INSYN2B: variants seen among roughly 807,000 people sequenced by gnomAD.
INSYN2B encodes the protein inhibitory synaptic factor family member 2B.
Under a neutral mutation model 41.2 loss-of-function variants are expected in INSYN2B, and 16 were observed. The observed-to-expected ratio is 0.39, with a 90% CI of 0.26 to 0.59. The LOEUF is 0.59. INSYN2B is among the 20% of genes least tolerant of loss of function. INSYN2B has a pLI of 0.57. For synonymous variants in INSYN2B, 245 were observed against 244.4 expected, an observed-to-expected ratio of 1.00 and a Z score of -0.02; for missense variants, 608 against 646.4, an observed-to-expected ratio of 0.94 and a Z score of 0.64.
chr5:169,891,966 A>G (rs1773313893), intron 1 of INSYN2B, among the ~76,000 whole-genome samples: 1 of 150,466 alleles, frequency 6.6e-6, no homozygotes, highest in African/African-American at 2.4e-5. Flanking sequence ...ATTGCACTCC[A>G]GCCTGGGCAA....
At chr5:169,889,676 G>A (rs1773174072) in intron 1 of INSYN2B, among the ~76,000 whole-genome samples, 2 of 152,178 alleles carry the variant, frequency 1.3e-5, no homozygotes, top group Non-Finnish European at 2.9e-5. Context: ...ATCTTTGCTG[G>A]CCACACAGTT....
chr5:169,952,601 C>G (rs1387833673), intron 1 of INSYN2B, among the ~76,000 whole-genome samples: 1 of 152,114 alleles, frequency 6.6e-6, no homozygotes, highest in Admixed American at 6.5e-5. Flanking sequence ...GTCAATACAA[C>G]TGACATGTTA....
Position 169,882,793 on chromosome 5 carries a change from T to A in INSYN2B, c.1106A>T (p.Glu369Val). The A allele has an allele frequency of 6.4e-7, 1 of 1,551,674 alleles. No homozygotes were observed. Among genetic ancestry groups the A allele is most frequent in the South Asian group, 1.2e-5 (1 of 84,034 alleles). Reference sequence around the variant, plus strand: ...ATTACTTCCTGGACAATTTGGAAACTCCAGTGTGTCTGACTCGGTGGGGTT... The same window carrying A: ...ATTACTTCCTGGACAATTTGGAAACACCAGTGTGTCTGACTCGGTGGGGTT... ...ANNPTESDTLEFPNCPGSNHL... is the reference protein window; with the variant it reads ...ANNPTESDTLVFPNCPGSNHL... Residue 369 changes from glutamate to valine, a missense_variant, in exon 2 of 4, where the codon GAG becomes GTG. By Grantham distance (121) the Glu-to-Val change is moderately radical. Coordinates refer to ENST00000377365, the MANE Select transcript of INSYN2B (RefSeq NM_001129891.3).
At chr5:169,873,965 A>C (rs1772146180) in intron 3 of INSYN2B, among the ~76,000 whole-genome samples, 1 of 152,152 alleles carries the variant, frequency 6.6e-6, no homozygotes, top group Non-Finnish European at 1.5e-5. Context: ...TCATACTCTG[A>C]ATATGAAAAC....
chr5:169,948,793 A>G (rs1333557466), intron 1 of INSYN2B, among the ~76,000 whole-genome samples: 1 of 150,944 alleles, frequency 6.6e-6, no homozygotes, highest in Non-Finnish European at 1.5e-5. Flanking sequence ...CTACTTTCTG[A>G]CACCCACTCA....
intron 1 of INSYN2B, among the ~76,000 whole-genome samples, chr5:169,896,586 C>T (rs1040927377): frequency 1.1e-4 from 16 of 152,158 alleles, no homozygotes; most frequent in Admixed American, 7.9e-4. Flanking sequence ...CAGAAAAGCG[C>T]CTGTCAGGCT....
intron 1 of INSYN2B, among the ~76,000 whole-genome samples, chr5:169,949,644 T>G (rs539216855): frequency 9.1e-6 from 1 of 109,446 alleles, no homozygotes; most frequent in South Asian, 2.4e-4. Context: ...TTGATTTCTT[T>G]GGGCTGTGGC....
intron 1 of INSYN2B, among the ~76,000 whole-genome samples, chr5:169,930,000 G>A (rs1312359637): frequency 1.3e-5 from 2 of 152,004 alleles, no homozygotes; most frequent in African/African-American, 2.4e-5. Flanking sequence ...TATTTATTTT[G>A]TTTATTTTTG....
At chr5:169,945,603 T>G (rs1776416043) in intron 1 of INSYN2B, among the ~76,000 whole-genome samples, 1 of 152,224 alleles carries the variant, frequency 6.6e-6, no homozygotes, top group South Asian at 2.1e-4. Context: ...GTGAAGTCTG[T>G]TGCCCAGAGC....
intron 1 of INSYN2B, chr5:169,934,655 G>T (rs1252246926): frequency 4.4e-6 from 2 of 456,254 alleles, no homozygotes; most frequent in Admixed American, 4.7e-5. Flanking sequence ...TTTCTAGGAT[G>T]CAGCTGATGA....
intron 1 of INSYN2B, among the ~76,000 whole-genome samples, chr5:169,891,044 C>T (rs1048168523): frequency 1.3e-5 from 2 of 152,220 alleles, no homozygotes; most frequent in Non-Finnish European, 2.9e-5. Flanking sequence ...CAAGCCACAA[C>T]CCTATGTCAT....
chr5:169,868,922 T>A (rs905144789), intron 3 of INSYN2B, among the ~76,000 whole-genome samples: 1 of 152,118 alleles, frequency 6.6e-6, no homozygotes, highest in Non-Finnish European at 1.5e-5. Flanking sequence ...CAGAGCTGAA[T>A]GCTCTTGGGT....
intron 1 of INSYN2B, among the ~76,000 whole-genome samples, chr5:169,927,700 T>C (rs1462037908): frequency 6.6e-6 from 1 of 152,234 alleles, no homozygotes; most frequent in Non-Finnish European, 1.5e-5. Context: ...CACTGCAAGC[T>C]CCGCTTCCCG....
Position 169,884,661 on chromosome 5 carries a change from T to C in INSYN2B, c.-763A>G, listed in dbSNP as rs1423949017. The C allele has an allele frequency of 6.6e-6, 1 of 152,364 alleles. No individual in the cohort carries two copies. The highest frequency in any genetic ancestry group is 1.5e-5 in the Non-Finnish European group (1 of 68,064). 9.4% of individuals were successfully genotyped at this position (152,364 alleles called of 1,614,324 possible). On this transcript the variant is annotated 5_prime_UTR_variant, in exon 2 of 4. Coordinates refer to ENST00000377365, the MANE Select transcript of INSYN2B (RefSeq NM_001129891.3). ...GATTGAGGAATCACAGGGGATTCAG[T>C]GGGCAGAGTCCCTGTTGTGGTGTGT...
chr5:169,929,100 C>A (rs945981933), intron 1 of INSYN2B, among the ~76,000 whole-genome samples: 3 of 152,146 alleles, frequency 2.0e-5, no homozygotes, highest in African/African-American at 7.2e-5. Context: ...TTCTGTCATG[C>A]CCTGCCTTGA....
intron 1 of INSYN2B, among the ~76,000 whole-genome samples, chr5:169,919,450 G>A (rs183993327): frequency 5.3e-5 from 8 of 152,282 alleles, no homozygotes; most frequent in African/African-American, 1.7e-4. Flanking sequence ...AAAAAGTAAT[G>A]GCCAGTATCA....
In INSYN2B at chr5:169,906,769, C is replaced by G. The variant is rs570998969; in HGVS notation, c.-918-21953G>C. Among the ~76,000 whole-genome samples, 20 of 152,306 alleles carry G rather than the reference C, an allele frequency of 1.3e-4. No individual in the cohort carries two copies. The South Asian group carries it at 3.9e-3, about 30-fold the overall frequency. On this transcript the variant is annotated intron_variant, in intron 1 of 3. Coordinates refer to ENST00000377365, the MANE Select transcript of INSYN2B (RefSeq NM_001129891.3). The stretch of plus-strand genomic sequence containing the variant: ...GACCATTCCTGACCTCCTTGCTTTA[C>G]TGTCAGAAAGAATTGAAGGGTGGTT...
At chr5:169,922,652 T>C (rs1447707640) in intron 1 of INSYN2B, among the ~76,000 whole-genome samples, 1 of 152,264 alleles carries the variant, frequency 6.6e-6, no homozygotes, top group Non-Finnish European at 1.5e-5. Context: ...TTTATAGTGC[T>C]CAGAGAGGTT....
At chr5:169,902,699 A>C (rs1408127731) in intron 1 of INSYN2B, among the ~76,000 whole-genome samples, 1 of 152,106 alleles carries the variant, frequency 6.6e-6, no homozygotes, top group Admixed American at 6.5e-5. Context: ...TTTTCCTCAA[A>C]TCCTTCTGAG....
Sources: gnomAD v4.1 joint callset for allele counts (sites outside exome capture counted in the v4.1 genomes callset) on GRCh38, gnomAD v4.1.1 for gene constraint, MANE v1.5 for transcripts, NCBI Gene and HGNC (gene_info 2026-07-23, HGNC 2026-07-21) for gene names.